The following PLXNA4 variants were observed in gnomAD, a reference collection of about 807,000 sequenced individuals.
PLXNA4 encodes the protein plexin A4.
Under a neutral mutation model 191.8 loss-of-function variants are expected in PLXNA4, and 44 were observed. That is an observed-to-expected ratio of 0.23 (90% confidence interval 0.18 to 0.29). The LOEUF (loss-of-function observed/expected upper bound fraction) is 0.29, where lower values mean the gene tolerates loss of function less well. PLXNA4 is among the 10% of genes least tolerant of loss of function. PLXNA4 has a pLI of 1.00. For missense variants in PLXNA4, 1,800 were observed against 2,488.8 expected, an observed-to-expected ratio of 0.72 and a Z score of 5.89; for synonymous variants, 1,082 against 1,009.5, an observed-to-expected ratio of 1.07 and a Z score of -1.36.
chr7:132,554,860 C>T (rs1800719738), intron 1 of PLXNA4, among the ~76,000 whole-genome samples: 1 of 152,162 alleles, frequency 6.6e-6, no homozygotes, highest in Non-Finnish European at 1.5e-5. Context: ...TGATGGACCA[C>T]TTCAGCTTTC....
chr7:132,641,083 G>GACATTCATCATAC (rs1426124232), intron 2 of PLXNA4, among the ~76,000 whole-genome samples: 1 of 152,176 alleles, frequency 6.6e-6, no homozygotes, highest in East Asian at 1.9e-4. Flanking sequence ...CCAAGTTCTT[G>GACATTCATCATAC]ACATTCATCA....
chr7:132,278,294 A>T (rs1390982287), intron 4 of PLXNA4, among the ~76,000 whole-genome samples: 1 of 152,114 alleles, frequency 6.6e-6, no homozygotes, highest in African/African-American at 2.4e-5. Flanking sequence ...AAAGGGAAAG[A>T]ATCTCCCTTC....
At chr7:132,465,977 C>T (rs568341273) in intron 3 of PLXNA4, among the ~76,000 whole-genome samples, 1 of 152,266 alleles carries the variant, frequency 6.6e-6, no homozygotes, top group Middle Eastern at 3.4e-3. Context: ...ACATGGGCAA[C>T]ACAAGCCACT....
chr7:132,644,869 C>T (rs905172949), intron 2 of PLXNA4, among the ~76,000 whole-genome samples: 4 of 152,094 alleles, frequency 2.6e-5, no homozygotes, highest in African/African-American at 9.7e-5. Flanking sequence ...GCCCACCTCC[C>T]TCTCTCTCTC....
intron 2 of PLXNA4, among the ~76,000 whole-genome samples, chr7:132,499,846 G>A (rs1166159679): frequency 6.6e-6 from 1 of 152,158 alleles, no homozygotes; most frequent in Non-Finnish European, 1.5e-5. Context: ...ATTATATTTT[G>A]GAACACTGAC....
chr7:132,595,365 A>C (rs1353896502), intron 2 of PLXNA4, among the ~76,000 whole-genome samples: 2 of 152,166 alleles, frequency 1.3e-5, no homozygotes, highest in Admixed American at 6.5e-5. Flanking sequence ...AGGTATCAGA[A>C]GCCTCTGCAT....
intron 3 of PLXNA4, among the ~76,000 whole-genome samples, chr7:132,318,887 ACT>A (rs1449186609): frequency 6.6e-6 from 1 of 150,794 alleles, no homozygotes; most frequent in African/African-American, 2.4e-5. Context: ...ACAAGTGTGG[ACT>A]CTCTGTTGAA....
chr7:132,152,197 A>G (rs73725832), intron 25 of PLXNA4, among the ~76,000 whole-genome samples: 20,631 of 152,158 alleles, frequency 0.14, 2,864 homozygotes, highest in African/African-American at 0.35. Flanking sequence ...AAGGTCAAAG[A>G]CCATCGCAGG....
rs1563149487 is a variant in PLXNA4, at chr7:132,521,340, T to C, written c.-86-12561A>G. Among the ~76,000 whole-genome samples, 5 of 152,110 alleles carry C rather than the reference T, an allele frequency of 3.3e-5. No individual in the cohort carries two copies. The East Asian group carries it at 7.7e-4, about 24-fold the overall frequency. On this transcript the variant is annotated intron_variant, in intron 1 of 31. Coordinates refer to ENST00000321063, the MANE Select transcript of PLXNA4 (RefSeq NM_020911.2). ...CCATGACAACACTAAATTTAAGAAA[T>C]ATTTAGTATAGATCAAGTAACAAGT... is the stretch of plus-strand genomic sequence containing the variant.
chr7:132,190,693 C>G (rs552884032), intron 14 of PLXNA4, among the ~76,000 whole-genome samples: 1 of 152,202 alleles, frequency 6.6e-6, no homozygotes, highest in Non-Finnish European at 1.5e-5. Flanking sequence ...AAATGCAGAG[C>G]AGAGGCAGAG....
At chr7:132,226,697 G>C (rs1437102621) in intron 7 of PLXNA4, among the ~76,000 whole-genome samples, 3 of 152,216 alleles carry the variant, frequency 2.0e-5, no homozygotes, top group Admixed American at 2.0e-4. Flanking sequence ...GAGAGCCCCT[G>C]TTCTGACACC....
intron 2 of PLXNA4, among the ~76,000 whole-genome samples, chr7:132,606,129 A>C (rs1318409779): frequency 6.6e-6 from 1 of 152,118 alleles, no homozygotes; most frequent in Admixed American, 6.5e-5. Context: ...ATGCCATTGC[A>C]CTCCAGCCTA....
At chr7:132,548,252 C>T (rs1234924827) in intron 1 of PLXNA4, among the ~76,000 whole-genome samples, 1 of 152,124 alleles carries the variant, frequency 6.6e-6, no homozygotes, top group Non-Finnish European at 1.5e-5. Context: ...ACTCCCCTAG[C>T]CCTCATTACA....
intron 9 of PLXNA4, among the ~76,000 whole-genome samples, chr7:132,218,181 G>A (rs935946337): frequency 6.6e-5 from 10 of 152,168 alleles, no homozygotes; most frequent in African/African-American, 1.9e-4. Flanking sequence ...GTCCTGGAGA[G>A]GACTTGATCC....
intron 21 of PLXNA4, among the ~76,000 whole-genome samples, chr7:132,169,987 T>C (rs2116673730): frequency 6.6e-6 from 1 of 151,990 alleles, no homozygotes; most frequent in South Asian, 2.1e-4. Context: ...GGGAGGTAAC[T>C]TCGGAGTCAC....
At position 132,159,468 on chromosome 7, in the gene PLXNA4, C is replaced by T. The variant is rs1174765372; in HGVS notation, c.4660+5G>A. ...GGACAGCCCCTGGGTGGACAGCCTACTCACCCAGATCCATATCTGCAGCTT... is the reference window on the plus strand; with the variant it reads ...GGACAGCCCCTGGGTGGACAGCCTATTCACCCAGATCCATATCTGCAGCTT... On this transcript the variant is annotated splice_donor_5th_base_variant and intron_variant, in intron 25 of 31. Coordinates refer to ENST00000321063, the MANE Select transcript of PLXNA4 (RefSeq NM_020911.2). 8.7e-6 allele frequency: 14 copies of T among 1,613,894 alleles called. No individual in the cohort carries two copies. Among genetic ancestry groups the T allele is most frequent in the Admixed American group, 1.7e-5 (1 of 60,020 alleles).
intron 3 of PLXNA4, among the ~76,000 whole-genome samples, chr7:132,317,376 G>T (rs1055642029): frequency 3.3e-5 from 5 of 151,482 alleles, no homozygotes; most frequent in Non-Finnish European, 7.4e-5. Context: ...GGTTGTATTG[G>T]ATTGAGTTGG....
At chr7:132,378,904 T>G (rs953624547) in intron 3 of PLXNA4, among the ~76,000 whole-genome samples, 3 of 143,396 alleles carry the variant, frequency 2.1e-5, no homozygotes, top group African/African-American at 8.0e-5. Context: ...CAGGCTGGAG[T>G]GCAATGGCGC....
At chr7:132,185,585 C>G in intron 15 of PLXNA4, 122 bp from the exon 16 acceptor site, 2 of 1,386,244 alleles carry the variant, frequency 1.4e-6, no homozygotes, top group East Asian at 2.6e-5. Flanking sequence ...GGTGGGTGCT[C>G]TCAGACAGAA....
Sources: gnomAD v4.1 joint callset for allele counts (sites outside exome capture counted in the v4.1 genomes callset) on GRCh38, gnomAD v4.1.1 for gene constraint, MANE v1.5 for transcripts, NCBI Gene and HGNC (gene_info 2026-07-23, HGNC 2026-07-21) for gene names.